Variants in MGAT4C observed in about 807,000 individuals in gnomAD.
The protein encoded by MGAT4C is alpha-1,3-mannosyl-glycoprotein 4-beta-N-acetylglucosaminyltransferase C.
Under a neutral mutation model 40.1 loss-of-function variants are expected in MGAT4C, and 19 were observed. The observed-to-expected ratio is 0.47, with a 90% CI of 0.33 to 0.70. The LOEUF is 0.70. Among genes scored for constraint, MGAT4C ranks in the 30% least tolerant of loss-of-function variants. MGAT4C has a pLI of 0.02. For synonymous variants in MGAT4C, 181 were observed against 187.1 expected (o/e 0.97, Z 0.27); for missense variants, 491 against 563.2 (o/e 0.87, Z 1.30).
At chr12:86,316,556 T>A (rs180935913) in intron 4 of MGAT4C, among the ~76,000 whole-genome samples, 1 of 152,264 alleles carries the variant, frequency 6.6e-6, no homozygotes, top group Non-Finnish European at 1.5e-5. Flanking sequence ...TGAGATCATG[T>A]TCTTTGCAGC....
At chr12:86,296,700 C>T (rs969198930) in intron 4 of MGAT4C, among the ~76,000 whole-genome samples, 2 of 152,212 alleles carry the variant, frequency 1.3e-5, no homozygotes, top group African/African-American at 4.8e-5. Flanking sequence ...GCTCCGAGTG[C>T]GGGGCCCGCC....
At chr12:86,422,015 G>A (rs1164689598) in intron 3 of MGAT4C, among the ~76,000 whole-genome samples, 8 of 152,122 alleles carry the variant, frequency 5.3e-5, no homozygotes, top group Non-Finnish European at 1.2e-4. Flanking sequence ...TTACTTACTA[G>A]TGGTTTGTTA....
At chr12:86,278,943 T>C (rs1953144909) in intron 4 of MGAT4C, among the ~76,000 whole-genome samples, 1 of 70,760 alleles carries the variant, frequency 1.4e-5, no homozygotes, top group East Asian at 4.5e-4. Flanking sequence ...ATATAGGTTT[T>C]GTCCTTCAGT....
chr12:86,360,773 T>A (rs1955445263), intron 3 of MGAT4C, among the ~76,000 whole-genome samples: 1 of 152,064 alleles, frequency 6.6e-6, no homozygotes, highest in Admixed American at 6.5e-5. Flanking sequence ...GGAATCCAAC[T>A]TACAAGGGAT....
chr12:86,528,063 T>G (rs1958915018), intron 2 of MGAT4C, among the ~76,000 whole-genome samples: 1 of 152,192 alleles, frequency 6.6e-6, no homozygotes, highest in Admixed American at 6.5e-5. Flanking sequence ...TGAATTATAG[T>G]TCATTAAAGC....
At chr12:86,825,361 G>A (rs1161464198) in intron 1 of MGAT4C, among the ~76,000 whole-genome samples, 2 of 150,832 alleles carry the variant, frequency 1.3e-5, no homozygotes, top group Non-Finnish European at 3.0e-5. Flanking sequence ...TGCTATATAC[G>A]AGATAAACCT....
intron 3 of MGAT4C, among the ~76,000 whole-genome samples, chr12:86,339,243 G>T (rs1215758683): frequency 6.6e-6 from 1 of 152,028 alleles, no homozygotes; most frequent in Non-Finnish European, 1.5e-5. Context: ...TGTGCATTTA[G>T]CCCCTATGCA....
intron 3 of MGAT4C, among the ~76,000 whole-genome samples, chr12:86,357,352 A>T (rs746505875): frequency 6.6e-6 from 1 of 152,300 alleles, no homozygotes; most frequent in African/African-American, 2.4e-5. Context: ...AAAGGTAGAT[A>T]ACACCACAAA....
At chr12:86,627,352 CT>C (rs1962849995) in intron 2 of MGAT4C, among the ~76,000 whole-genome samples, 1 of 152,188 alleles carries the variant, frequency 6.6e-6, no homozygotes, top group Non-Finnish European at 1.5e-5. Flanking sequence ...TCTCTGACAG[CT>C]CTGAAGAGAG....
chr12:86,303,567 A>G (rs952922178), intron 4 of MGAT4C, among the ~76,000 whole-genome samples: 1 of 149,618 alleles, frequency 6.7e-6, no homozygotes, highest in Non-Finnish European at 1.5e-5. Flanking sequence ...CTTAAAAAAA[A>G]AAGAATAAAA....
At chr12:86,289,841 A>ATAGTT (rs1346926022) in intron 4 of MGAT4C, among the ~76,000 whole-genome samples, 1 of 152,188 alleles carries the variant, frequency 6.6e-6, no homozygotes, top group Non-Finnish European at 1.5e-5. Context: ...TTGTTTTCCC[A>ATAGTT]AATTCATAGT....
chr12:86,511,343 T>C (rs1444848000), intron 2 of MGAT4C, among the ~76,000 whole-genome samples: 4 of 152,146 alleles, frequency 2.6e-5, no homozygotes, highest in Non-Finnish European at 5.9e-5. Flanking sequence ...TTAATATTTC[T>C]TTCATCAATG....
At chr12:85,987,115 AATT>A (rs1885302227) in intron 3 of MGAT4C, among the ~76,000 whole-genome samples, 1 of 129,334 alleles carries the variant, frequency 7.7e-6, no homozygotes, top group Non-Finnish European at 1.6e-5. Context: ...TTAAAATAAT[AATT>A]TTTTTTTTTT....
intron 2 of MGAT4C, among the ~76,000 whole-genome samples, chr12:86,628,325 A>G (rs1419220385): frequency 6.6e-6 from 1 of 152,226 alleles, no homozygotes; most frequent in Non-Finnish European, 1.5e-5. Flanking sequence ...AACACTCTTC[A>G]GTATATTATC....
chr12:86,611,424 A>AGGTAGG (rs1383470518), intron 2 of MGAT4C, among the ~76,000 whole-genome samples: 1 of 133,614 alleles, frequency 7.5e-6, no homozygotes, highest in African/African-American at 3.0e-5. Flanking sequence ...AGGTAGGTAG[A>AGGTAGG]TAGATAGATG....
intron 2 of MGAT4C, among the ~76,000 whole-genome samples, chr12:86,471,350 G>A (rs1394993251): frequency 1.3e-5 from 2 of 151,814 alleles, no homozygotes; most frequent in African/African-American, 4.8e-5. Flanking sequence ...AAGCCACTAG[G>A]GGATAGTAAA....
intron 1 of MGAT4C, among the ~76,000 whole-genome samples, chr12:86,149,255 T>TTTATA (rs762275759): frequency 3.2e-4 from 48 of 152,130 alleles, no homozygotes; most frequent in Non-Finnish European, 6.6e-4. Context: ...ATGAGTGGTA[T>TTTATA]TCATATATTT....
chr12:86,451,559 T>C (rs1362455681), intron 2 of MGAT4C, among the ~76,000 whole-genome samples: 1 of 152,168 alleles, frequency 6.6e-6, no homozygotes, highest in African/African-American at 2.4e-5. Flanking sequence ...GGGATTCTTG[T>C]AGCTTCTTCA....
In MGAT4C at chr12:86,492,869, A is replaced by C. The variant is rs542126787; in HGVS notation, c.-228-57604T>G. Among the ~76,000 whole-genome samples, 28 of 152,278 alleles carry C rather than the reference A, an allele frequency of 1.8e-4. No homozygotes were observed. The South Asian group carries it at 5.2e-3, about 28-fold the overall frequency. ...ATCAGAGTGAACAGGCAACCTACAGAATGGGAGAAAATTTTGCAACCTACT... is the reference window on the plus strand; with the variant it reads ...ATCAGAGTGAACAGGCAACCTACAGCATGGGAGAAAATTTTGCAACCTACT... On this transcript the variant is annotated intron_variant, in intron 2 of 7. Transcript: ENST00000548651.
Sources: gnomAD v4.1 joint callset for allele counts (sites outside exome capture counted in the v4.1 genomes callset) on GRCh38, gnomAD v4.1.1 for gene constraint, MANE v1.5 for transcripts, NCBI Gene and HGNC (gene_info 2026-07-23, HGNC 2026-07-21) for gene names.